LIN28B: variants seen among roughly 807,000 people sequenced by gnomAD.
LIN28B encodes the protein protein lin-28 homolog B.
A neutral mutation model predicts 21.9 loss-of-function variants in LIN28B; 5 were observed. That is an observed-to-expected ratio of 0.23 (90% confidence interval 0.12 to 0.48). The LOEUF is 0.48. Among genes scored for constraint, LIN28B ranks in the 20% least tolerant of loss-of-function variants. The pLI, the probability that LIN28B is intolerant of heterozygous loss-of-function variation, is 0.98. For missense variants in LIN28B, 245 were observed against 310.5 expected (o/e 0.79, Z 1.58); for synonymous variants, 109 against 111.3 (o/e 0.98, Z 0.13).
At chr6:105,048,606 T>G (rs1160358862) in intron 3 of LIN28B, among the ~76,000 whole-genome samples, 2 of 152,182 alleles carry the variant, frequency 1.3e-5, no homozygotes, top group Non-Finnish European at 2.9e-5. Flanking sequence ...CAGCTCCTCC[T>G]GTACCTCTGG....
chr6:104,991,211 G>A (rs907134854), intron 2 of LIN28B, among the ~76,000 whole-genome samples: 18 of 151,170 alleles, frequency 1.2e-4, no homozygotes, highest in South Asian at 6.3e-4. Flanking sequence ...CCTCCCAGAC[G>A]GGGTGGCTGG....
chr6:104,953,371 T>C (rs899908348), upstream of LIN28B, among the ~76,000 whole-genome samples: 4 of 152,174 alleles, frequency 2.6e-5, no homozygotes, highest in African/African-American at 9.7e-5. Context: ...ACCGCACTTA[T>C]CTTAGCTTTA....
intron 3 of LIN28B, among the ~76,000 whole-genome samples, chr6:105,066,795 A>G (rs932680638): frequency 6.6e-6 from 1 of 152,062 alleles, no homozygotes; most frequent in Admixed American, 6.6e-5. Context: ...CAAATGTCCT[A>G]ATAGTAAGAC....
At chr6:104,980,802 A>T (rs893114713) in intron 2 of LIN28B, among the ~76,000 whole-genome samples, 5 of 152,142 alleles carry the variant, frequency 3.3e-5, no homozygotes, top group African/African-American at 1.2e-4. Context: ...TATCATGTCC[A>T]TATAAATTGT....
intron 2 of LIN28B, among the ~76,000 whole-genome samples, chr6:105,017,490 A>C (rs1431064608): frequency 6.6e-6 from 1 of 152,198 alleles, no homozygotes; most frequent in Non-Finnish European, 1.5e-5. Flanking sequence ...GGCATTGTAC[A>C]TTTATTTGGG....
chr6:105,006,226 T>C lies in LIN28B; in HGVS notation c.199-20072T>C, dbSNP rs546135871. ...TATTTTTTACTTATCAGCCCTAAGA[T>C]AACACCAAGTGGCCATAATTCACTT... On this transcript the variant is annotated intron_variant, in intron 2 of 3. Coordinates refer to ENST00000345080, the MANE Select transcript of LIN28B (RefSeq NM_001004317.4). Among the ~76,000 whole-genome samples, 78 of 152,326 alleles carry C rather than the reference T, an allele frequency of 5.1e-4. 3 individuals are homozygous for C. The South Asian group carries it at 0.016, about 30-fold the overall frequency.
At chr6:105,068,701 C>T (rs1188703118) in intron 3 of LIN28B, among the ~76,000 whole-genome samples, 1 of 152,082 alleles carries the variant, frequency 6.6e-6, no homozygotes, top group Non-Finnish European at 1.5e-5. Flanking sequence ...GAGCACCTAC[C>T]CATAGGGTGG....
upstream of LIN28B, among the ~76,000 whole-genome samples, chr6:104,954,775 A>G (rs919940319): frequency 4.6e-5 from 7 of 152,158 alleles, no homozygotes; most frequent in African/African-American, 1.7e-4. Flanking sequence ...TGTGAATCTC[A>G]TAACTATACT....
intron 3 of LIN28B, among the ~76,000 whole-genome samples, chr6:105,036,694 T>G (rs548054819): frequency 6.6e-6 from 1 of 152,328 alleles, no homozygotes; most frequent in South Asian, 2.1e-4. Flanking sequence ...ATCAGAATTT[T>G]AGGTTGATTT....
chr6:105,052,575 G>A (rs1389984066), intron 3 of LIN28B, among the ~76,000 whole-genome samples: 1 of 151,984 alleles, frequency 6.6e-6, no homozygotes, highest in East Asian at 1.9e-4. Flanking sequence ...TTCCTATTAG[G>A]CCCTGCTTTC....
rs189523031 is a variant in LIN28B at position 105,015,428 on chromosome 6, T to C, written c.199-10870T>C. Among the ~76,000 whole-genome samples the C allele has an allele frequency of 1.4e-4, 22 of 152,270 alleles. No homozygotes were observed. In the East Asian group the frequency reaches 4.0e-3, roughly 28 times the overall value. Reference sequence around the variant, plus strand: ...TATCTTTATAGTTAAAGTGGCTCTTTTGTAGATGTAGACGGCAAAGAGTCG... The same window carrying C: ...TATCTTTATAGTTAAAGTGGCTCTTCTGTAGATGTAGACGGCAAAGAGTCG... On this transcript the variant is annotated intron_variant, in intron 2 of 3. Transcript: ENST00000345080.
intron 2 of LIN28B, among the ~76,000 whole-genome samples, chr6:104,972,178 G>A (rs191389762): frequency 1.2e-4 from 19 of 152,174 alleles, no homozygotes; most frequent in Non-Finnish European, 2.4e-4. Context: ...CACCATGTTG[G>A]CCAGGCTGGC....
chr6:104,956,281 G>C (rs1029372475), upstream of LIN28B, among the ~76,000 whole-genome samples: 1 of 151,730 alleles, frequency 6.6e-6, no homozygotes, highest in African/African-American at 2.4e-5. Flanking sequence ...GGGAACAATC[G>C]CCACTGATTG....
rs1433397321 is a variant in LIN28B at position 105,082,903 on chromosome 6, C to G, written c.*4120C>G. The G allele has an allele frequency of 6.5e-6, 1 of 152,690 alleles. No homozygotes were observed. Among genetic ancestry groups the G allele is most frequent in the East Asian group, 1.9e-4 (1 of 5,208 alleles). 9.5% of individuals were successfully genotyped at this position (152,690 alleles called of 1,614,324 possible). ...CCTCTTGAATCACATCTATCAACCA[C>G]TGGCACCTACCACCAAGCTGGCTTC... On this transcript the variant is annotated 3_prime_UTR_variant, in exon 4 of 4. Coordinates refer to ENST00000345080, the MANE Select transcript of LIN28B (RefSeq NM_001004317.4).
upstream of LIN28B, among the ~76,000 whole-genome samples, chr6:104,952,464 G>A (rs4295518): frequency 6.6e-6 from 1 of 152,274 alleles, no homozygotes; most frequent in East Asian, 1.9e-4. Context: ...TATTGGGAGA[G>A]AAGTATGTTA....
intron 3 of LIN28B, among the ~76,000 whole-genome samples, chr6:105,048,809 T>C (rs577715780): frequency 6.6e-6 from 1 of 152,276 alleles, no homozygotes; most frequent in African/African-American, 2.4e-5. Context: ...TGCAAAGAGG[T>C]GTTTATAGTC....
chr6:104,997,393 T>A (rs771140513), intron 2 of LIN28B, among the ~76,000 whole-genome samples: 26 of 152,012 alleles, frequency 1.7e-4, no homozygotes, highest in Non-Finnish European at 3.7e-4. Flanking sequence ...GTGATTTATA[T>A]AGTATTTCGT....
chr6:105,002,917 T>C (rs1770746511), intron 2 of LIN28B, among the ~76,000 whole-genome samples: 1 of 152,182 alleles, frequency 6.6e-6, no homozygotes, highest in Admixed American at 6.5e-5. Context: ...GGCAACAGCA[T>C]TGTATAGATA....
upstream of LIN28B, chr6:104,956,956 G>C: frequency 1.8e-6 from 1 of 566,494 alleles, no homozygotes; most frequent in Non-Finnish European, 2.7e-6. Context: ...AAATTATTTT[G>C]ATGTCAGCAT....
Sources: gnomAD v4.1 joint callset for allele counts (sites outside exome capture counted in the v4.1 genomes callset) on GRCh38, gnomAD v4.1.1 for gene constraint, MANE v1.5 for transcripts, NCBI Gene and HGNC (gene_info 2026-07-23, HGNC 2026-07-21) for gene names.